FGF13: variants seen among roughly 807,000 people sequenced by gnomAD.
The protein encoded by FGF13 is fibroblast growth factor homologous factor 2.
A neutral mutation model predicts 19.5 loss-of-function variants in FGF13; 2 were observed. The ratio of observed to expected loss-of-function variants is 0.10; its 90% CI spans 0.04 to 0.32. FGF13 has a LOEUF of 0.32. Among genes scored for constraint, FGF13 ranks in the 10% least tolerant of loss-of-function variants. The pLI, the probability that FGF13 is intolerant of heterozygous loss-of-function variation, is 1.00. For synonymous variants in FGF13, 72 were observed against 76.9 expected (o/e 0.94, Z 0.33); for missense variants, 113 against 192.7 (o/e 0.59, Z 2.45).
intron 1 of FGF13, among the ~76,000 whole-genome samples, chrX:139,078,310 G>A (rs1170507650): frequency 9.1e-6 from 1 of 110,432 alleles, no homozygotes; most frequent in African/African-American, 3.3e-5. Context: ...GTTGCCAGCG[G>A]CTTGCCCTAA....
At chrX:138,953,536 C>T (rs773894650) in intron 1 of FGF13, among the ~76,000 whole-genome samples, 1 of 111,111 alleles carries the variant, frequency 9.0e-6, no homozygotes, top group South Asian at 3.8e-4. Context: ...TGTAACAATC[C>T]TGCACGTTGT....
At chrX:139,063,620 C>A (rs770141484) in intron 1 of FGF13, among the ~76,000 whole-genome samples, 1 of 111,307 alleles carries the variant, frequency 9.0e-6, no homozygotes, top group African/African-American at 3.3e-5. Flanking sequence ...GTTTTATGTA[C>A]CTACTGAGTT....
chrX:138,928,809 C>T (rs1056191957), intron 1 of FGF13, among the ~76,000 whole-genome samples: 15 of 111,445 alleles, frequency 1.3e-4, no homozygotes, highest in Non-Finnish European at 2.8e-4. Context: ...TGAAGACTTC[C>T]CTTTTCCACA....
chrX:139,077,316 T>C (rs916004468), intron 1 of FGF13, among the ~76,000 whole-genome samples: 1 of 112,351 alleles, frequency 8.9e-6, no homozygotes, highest in East Asian at 2.8e-4. Flanking sequence ...GTGTTTGTTA[T>C]TGATTAGTTT....
In FGF13 at chrX:139,125,414, G is replaced by A. The variant is rs187319789; in HGVS notation, c.-113+78002C>T. 1.6e-3 allele frequency among the ~76,000 whole-genome samples: 175 copies of A among 112,000 alleles called. 2 individuals carry two copies. Among genetic ancestry groups the A allele is most frequent in the Admixed American group, 2.9e-3 (31 of 10,556 alleles). On this transcript the variant is annotated intron_variant, in intron 1 of 2. Transcript: ENST00000421460. ...CCTGCCATTCACTTAAAAATAATTA[G>A]TTAAGAATGAAAACTATTTTTTTTC...
chrX:139,108,669 T>C (rs923815501), intron 1 of FGF13, among the ~76,000 whole-genome samples: 1 of 111,121 alleles, frequency 9.0e-6, no homozygotes, highest in African/African-American at 3.3e-5. Flanking sequence ...TATATATTTT[T>C]TTTAATTTTA....
Position 138,624,689 on chromosome X carries a change from G to C in FGF13, c.*8161C>G, listed in dbSNP as rs1057235576. The C allele has an allele frequency of 9.0e-6, 1 of 111,426 alleles. No homozygotes were observed. Among genetic ancestry groups the C allele is most frequent in the African/African-American group, 3.3e-5 (1 of 30,602 alleles). 9.2% of individuals were successfully genotyped at this position (111,426 alleles called of 1,213,427 possible). On this transcript the variant is annotated 3_prime_UTR_variant, in exon 5 of 5. Coordinates refer to ENST00000315930, the MANE Select transcript of FGF13 (RefSeq NM_004114.5). ...GAGCCCAGGAGTTTTAGACCAGCCTGGGCAACAGGGTGAAACTCCATCTCT... is the reference window on the plus strand; with the variant it reads ...GAGCCCAGGAGTTTTAGACCAGCCTCGGCAACAGGGTGAAACTCCATCTCT...
At chrX:138,778,948 T>C (rs1489379974) in intron 3 of FGF13, among the ~76,000 whole-genome samples, 1 of 112,210 alleles carries the variant, frequency 8.9e-6, no homozygotes, top group Non-Finnish European at 1.9e-5. Context: ...TAGTGGTTCT[T>C]CCAGCACGAG....
At chrX:138,883,637 A>G (rs2091438702) in intron 1 of FGF13, among the ~76,000 whole-genome samples, 1 of 111,852 alleles carries the variant, frequency 8.9e-6, no homozygotes, top group Non-Finnish European at 1.9e-5. Flanking sequence ...CAAATATGCT[A>G]GCAGATAACA....
chrX:138,956,405 G>A (rs770770267), intron 1 of FGF13, among the ~76,000 whole-genome samples: 2 of 110,817 alleles, frequency 1.8e-5, no homozygotes, highest in South Asian at 3.8e-4. Context: ...TATAATTGTG[G>A]GTTTAAATTA....
At chrX:139,015,024 T>C (rs937339462) in intron 1 of FGF13, among the ~76,000 whole-genome samples, 2 of 111,209 alleles carry the variant, frequency 1.8e-5, no homozygotes, top group African/African-American at 6.5e-5. Context: ...CATCTCTTCA[T>C]GACAAAAACC....
At chrX:138,845,683 AT>A (rs1168954886) in intron 3 of FGF13, among the ~76,000 whole-genome samples, 1 of 110,925 alleles carries the variant, frequency 9.0e-6, no homozygotes, top group Admixed American at 9.6e-5. Flanking sequence ...TGCTTTGGGG[AT>A]TTTTTTTCTC....
At chrX:138,896,139 T>C (rs945595902) in intron 1 of FGF13, among the ~76,000 whole-genome samples, 1 of 111,833 alleles carries the variant, frequency 8.9e-6, no homozygotes, top group African/African-American at 3.2e-5. Flanking sequence ...CAATTGCTAA[T>C]AGTAAATTTC....
At chrX:138,908,225 T>C (rs2091568873) in intron 1 of FGF13, among the ~76,000 whole-genome samples, 1 of 106,586 alleles carries the variant, frequency 9.4e-6, no homozygotes, top group African/African-American at 3.6e-5. Flanking sequence ...CACCCGCCAC[T>C]GCGCCCGGCT....
Position 138,632,078 on chromosome X carries a change from A to T in FGF13, c.*772T>A, listed in dbSNP as rs1477423983. The T allele has an allele frequency of 1.8e-5, 2 of 111,320 alleles. No homozygotes were observed. The highest frequency in any genetic ancestry group is 6.6e-5 in the African/African-American group (2 of 30,512). The allele number at this position is 111,320 out of a possible 1,213,427, so 9.2% of individuals were successfully genotyped here. On this transcript the variant is annotated 3_prime_UTR_variant, in exon 5 of 5. Transcript: ENST00000315930. ...TAAGAGAAATCTACACTTGAGGATAATTTTTTGAAGTTCTCTTTACTGACT... is the reference window on the plus strand; with the variant it reads ...TAAGAGAAATCTACACTTGAGGATATTTTTTTGAAGTTCTCTTTACTGACT...
chrX:138,652,074 T>G (rs954869878), intron 3 of FGF13, among the ~76,000 whole-genome samples: 5 of 112,036 alleles, frequency 4.5e-5, no homozygotes, highest in African/African-American at 1.6e-4. Flanking sequence ...ACTACGTCTT[T>G]GATCTTATGT....
chrX:138,972,870 G>C (rs1178270467), intron 1 of FGF13, among the ~76,000 whole-genome samples: 1 of 107,207 alleles, frequency 9.3e-6, no homozygotes, highest in Non-Finnish European at 1.9e-5. Context: ...TTTTGCTATT[G>C]AGTTGAGTTT....
upstream of FGF13, among the ~76,000 whole-genome samples, chrX:139,204,573 C>A (rs1301431713): frequency 1.8e-5 from 2 of 112,883 alleles, no homozygotes; most frequent in Non-Finnish European, 3.8e-5. Flanking sequence ...GTGGGCTGCC[C>A]GCGCACTGGC....
At chrX:138,855,962 CTGTGTGTGTG>C (rs35763167), downstream of FGF13, among the ~76,000 whole-genome samples, 449 of 101,326 alleles carry the variant, frequency 4.4e-3, 2 homozygotes, top group African/African-American at 0.015. Context: ...AGTACAAAAA[CTGTGTGTGTG>C]TGTGTGTGTG....
Sources: gnomAD v4.1 joint callset for allele counts (sites outside exome capture counted in the v4.1 genomes callset) on GRCh38, gnomAD v4.1.1 for gene constraint, MANE v1.5 for transcripts, NCBI Gene and HGNC (gene_info 2026-07-23, HGNC 2026-07-21) for gene names.